PGBD2: variants seen among roughly 807,000 people sequenced by gnomAD.
PGBD2 encodes piggyBac transposable element-derived protein 2.
Under a neutral mutation model 8.1 loss-of-function variants are expected in PGBD2, and 6 were observed. The ratio of observed to expected loss-of-function variants is 0.74; its 90% CI spans 0.40 to 1.46. The LOEUF (loss-of-function observed/expected upper bound fraction) is 1.46. Ranked by LOEUF, PGBD2 falls within the 40% of genes most tolerant of loss-of-function variation. The pLI is 0.02. For missense variants in PGBD2, 802 were observed against 739.0 expected, an observed-to-expected ratio of 1.09 and a Z score of -0.99; for synonymous variants, 318 against 272.2, an observed-to-expected ratio of 1.17 and a Z score of -1.66.
Position 248,916,886 on chromosome 1 carries a change from G to C in PGBD2, c.302G>C (p.Arg101Thr), listed in dbSNP as rs777309148. ...CTGGAGCTGCAGCCAGCCAAGAAGA[G>C]GCAGAAAGCAGTTGTGAAACCTCAG... ...DDLELQPAKK[R>T]QKAVVKPQRI... Residue 101 changes from arginine (R) to threonine (T), a missense_variant, in exon 3 of 3, where the codon AGG becomes ACG. Coordinates refer to ENST00000329291, the MANE Select transcript of PGBD2 (RefSeq NM_170725.3). 8.1e-6 allele frequency: 13 copies of C among 1,614,000 alleles called. No homozygotes were observed. Among genetic ancestry groups the C allele is most frequent in the African/African-American group, 2.7e-5 (2 of 74,884 alleles).
chr1:248,888,914 T>G, the PGBD2 span, among the ~76,000 whole-genome samples: 6 of 152,206 alleles, frequency 3.9e-5, no homozygotes, highest in Admixed American at 1.3e-4. Context: ...TTTTTGTATA[T>G]GCTGAGAAGT....
chr1:248,883,084 G>A, the PGBD2 span, among the ~76,000 whole-genome samples: 1 of 152,104 alleles, frequency 6.6e-6, no homozygotes, highest in Non-Finnish European at 1.5e-5. Flanking sequence ...GCCTGCACCT[G>A]GAGGGTTTCT....
Position 248,908,906 on chromosome 1 carries a change from G to A in PGBD2, c.-48+2564G>A, listed in dbSNP as rs151064891. Among the ~76,000 whole-genome samples the A allele has an allele frequency of 1.3e-3, 195 of 152,056 alleles. 1 individual carries two copies. In the East Asian group the frequency reaches 0.032, roughly 25 times the overall value. On this transcript the variant is annotated intron_variant, in intron 1 of 2. Transcript: ENST00000329291. ...TCTTTCTGCAGCTCTCCATCATTTT[G>A]TCTTTTCCTCAGGGAGATATTCTCT...
the PGBD2 span, among the ~76,000 whole-genome samples, chr1:248,884,308 T>A: frequency 6.6e-6 from 1 of 152,074 alleles, no homozygotes; most frequent in Admixed American, 6.5e-5. Context: ...GGAAAGTGCC[T>A]TTGAGGTGAT....
chr1:248,920,422 T>G (rs1284637048), downstream of PGBD2, among the ~76,000 whole-genome samples: 1 of 152,152 alleles, frequency 6.6e-6, no homozygotes, highest in Non-Finnish European at 1.5e-5. Context: ...TTGTGATAGT[T>G]TGTTGAGAAT....
At chr1:248,912,663 T>G (rs1415662082) in intron 1 of PGBD2, 1 of 152,174 alleles carries the variant, frequency 6.6e-6, no homozygotes, top group African/African-American at 2.4e-5. Flanking sequence ...ATTAACACAT[T>G]TTGCCATATT....
At chr1:248,907,098 T>G (rs1036871274) in intron 1 of PGBD2, among the ~76,000 whole-genome samples, 6 of 152,160 alleles carry the variant, frequency 3.9e-5, no homozygotes, top group Non-Finnish European at 7.4e-5. Flanking sequence ...TTTTTATTGA[T>G]TATTGTTTTC....
At chr1:248,878,143 A>C in the PGBD2 span, among the ~76,000 whole-genome samples, 1 of 149,524 alleles carries the variant, frequency 6.7e-6, no homozygotes, top group East Asian at 1.9e-4. Flanking sequence ...TTTAGTGCTC[A>C]CCTTTGAGTT....
chr1:248,904,279 T>A (rs918928986), upstream of PGBD2, among the ~76,000 whole-genome samples: 1 of 131,306 alleles, frequency 7.6e-6, no homozygotes, highest in African/African-American at 3.2e-5. Flanking sequence ...ACGGGCTAAA[T>A]TTTTTTTTTT....
chr1:248,886,020 C>G, the PGBD2 span, among the ~76,000 whole-genome samples: 1 of 151,584 alleles, frequency 6.6e-6, no homozygotes. Flanking sequence ...TACAAGGATA[C>G]AAATCATGAA....
downstream of PGBD2, among the ~76,000 whole-genome samples, chr1:248,920,232 G>T (rs374957082): frequency 7.9e-5 from 12 of 152,080 alleles, no homozygotes; most frequent in East Asian, 2.3e-3. Flanking sequence ...ACGTGCCATG[G>T]TGGCTTGCTG....
chr1:248,918,971 A>T lies in PGBD2; in HGVS notation c.*608A>T, dbSNP rs1662222172. The T allele has an allele frequency of 6.0e-6, 1 of 167,050 alleles. No individual in the cohort carries two copies. The highest frequency in any genetic ancestry group is 1.5e-5 in the Non-Finnish European group (1 of 68,096). The allele number at this position is 167,050 out of a possible 1,614,324, so 10.3% of individuals were successfully genotyped here. A position where few individuals can be genotyped will look rare whatever the true frequency, so the allele number is the denominator to read the frequency against. On this transcript the variant is annotated 3_prime_UTR_variant, in exon 3 of 3. Coordinates refer to ENST00000329291, the MANE Select transcript of PGBD2 (RefSeq NM_170725.3). ...TTTTTTAATTTTGTGGGTACATAGT[A>T]GGAGTGTATTTTTATGGGTTACATG...
the PGBD2 span, among the ~76,000 whole-genome samples, chr1:248,930,029 G>A: frequency 6.6e-6 from 1 of 152,210 alleles, no homozygotes; most frequent in Non-Finnish European, 1.5e-5. Context: ...TGAGGAAGGT[G>A]AGGCAAAAGC....
chr1:248,878,182 CT>C, the PGBD2 span, among the ~76,000 whole-genome samples: 84,016 of 141,354 alleles, frequency 0.59, 24,391 homozygotes, highest in Middle Eastern at 0.62. Context: ...TTTTCCATAT[CT>C]TTTTTTTTTT....
At chr1:248,881,679 T>C in the PGBD2 span, among the ~76,000 whole-genome samples, 1 of 152,362 alleles carries the variant, frequency 6.6e-6, no homozygotes, top group Middle Eastern at 3.4e-3. Flanking sequence ...CTATAGCTCC[T>C]GTTTGTTTTT....
At chr1:248,873,172 G>A in the PGBD2 span, among the ~76,000 whole-genome samples, 3 of 151,738 alleles carry the variant, frequency 2.0e-5, no homozygotes, top group Non-Finnish European at 4.4e-5. Flanking sequence ...TAACCTCACA[G>A]CCCACCGGGA....
chr1:248,884,071 T>G, the PGBD2 span, among the ~76,000 whole-genome samples: 1 of 152,200 alleles, frequency 6.6e-6, no homozygotes, highest in African/African-American at 2.4e-5. Context: ...AGGTCTTATA[T>G]TTAAATATTT....
At chr1:248,909,221 G>C (rs1661775883) in intron 1 of PGBD2, among the ~76,000 whole-genome samples, 1 of 152,124 alleles carries the variant, frequency 6.6e-6, no homozygotes, top group African/African-American at 2.4e-5. Context: ...CCACATGTGA[G>C]GGGATGGAGG....
Position 248,913,868 on chromosome 1 carries a change from T to C in PGBD2, c.6T>C (p.Ala2=). The change falls in exon 2 of 3, where the codon GCT becomes GCC. Residue 2 remains alanine (A), a synonymous_variant. Coordinates refer to ENST00000329291, the MANE Select transcript of PGBD2 (RefSeq NM_170725.3). M[A]STSRDVIAGR... is the part of the protein sequence containing the mutation. The stretch of plus-strand genomic sequence containing the variant: ...CTTCATCTTCCCAGTTCATCATGGC[T>C]TCAACATCCAGGTAGGAGTGCTGTT... The C allele has an allele frequency of 1.9e-6, 3 of 1,610,234 alleles. No homozygotes were observed. Among genetic ancestry groups the C allele is most frequent in the Non-Finnish European group, 2.6e-6 (3 of 1,176,456 alleles).
Sources: gnomAD v4.1 joint callset for allele counts (sites outside exome capture counted in the v4.1 genomes callset) on GRCh38, gnomAD v4.1.1 for gene constraint, MANE v1.5 for transcripts, NCBI Gene and HGNC (gene_info 2026-07-23, HGNC 2026-07-21) for gene names.